CSTPP1: variants seen among roughly 807,000 people sequenced by gnomAD.
The protein encoded by CSTPP1 is centriolar satellite-associated tubulin polyglutamylase complex regulator 1.
At chr11:47,103,590 T>C in the CSTPP1 span, 149,310 of 151,598 alleles carry the variant, frequency 0.98, 73,571 homozygotes, top group Middle Eastern at 1. Context: ...GATGGAATGA[T>C]CCAAAATTGA....
chr11:47,125,383 C>T, the CSTPP1 span, among the ~76,000 whole-genome samples: 122 of 152,250 alleles, frequency 8.0e-4, no homozygotes, highest in African/African-American at 2.1e-3. Flanking sequence ...CTCCCCTGCT[C>T]GCACACCCAT....
At chr11:47,032,705 T>C in the CSTPP1 span, among the ~76,000 whole-genome samples, 2 of 152,192 alleles carry the variant, frequency 1.3e-5, no homozygotes, top group African/African-American at 4.8e-5. Context: ...AAAGAAACAT[T>C]CAGATCCCTG....
the CSTPP1 span, chr11:47,109,179 C>T: frequency 6.6e-6 from 1 of 152,138 alleles, no homozygotes; most frequent in African/African-American, 2.4e-5. Flanking sequence ...AGGCCCTGCA[C>T]TTCTGATGTT....
At chr11:47,005,587 G>A in the CSTPP1 span, among the ~76,000 whole-genome samples, 1 of 152,122 alleles carries the variant, frequency 6.6e-6, no homozygotes, top group Non-Finnish European at 1.5e-5. Context: ...AAGGAAGGTA[G>A]AGTTTGGATA....
chr11:47,141,766 C>T, the CSTPP1 span, among the ~76,000 whole-genome samples: 1,032 of 151,562 alleles, frequency 6.8e-3, 8 homozygotes, highest in Non-Finnish European at 9.8e-3. Context: ...AAACCTGTCT[C>T]TACTAAAAAT....
chr11:47,093,591 A>G, the CSTPP1 span, among the ~76,000 whole-genome samples: 1 of 152,208 alleles, frequency 6.6e-6, no homozygotes, highest in Admixed American at 6.5e-5. Flanking sequence ...GAGAGGCAAC[A>G]TAGCGTAATG....
At chr11:47,115,444 G>T in the CSTPP1 span, among the ~76,000 whole-genome samples, 9 of 152,080 alleles carry the variant, frequency 5.9e-5, no homozygotes, top group East Asian at 1.5e-3. Flanking sequence ...AATCCATCTG[G>T]TCCTGGACTT....
the CSTPP1 span, among the ~76,000 whole-genome samples, chr11:47,066,687 A>G: frequency 7.9e-5 from 12 of 152,340 alleles, no homozygotes; most frequent in East Asian, 1.9e-3. Flanking sequence ...CTAGCCCACC[A>G]TATTTGTGAT....
the CSTPP1 span, among the ~76,000 whole-genome samples, chr11:47,013,900 G>A: frequency 6.6e-6 from 1 of 152,152 alleles, no homozygotes; most frequent in African/African-American, 2.4e-5. Flanking sequence ...GCCAGCATCT[G>A]TTGTTTTTTG....
chr11:47,040,190 C>T, the CSTPP1 span, among the ~76,000 whole-genome samples: 2 of 128,496 alleles, frequency 1.6e-5, 1 homozygote, highest in Non-Finnish European at 3.7e-5. Flanking sequence ...TTGTGATAAT[C>T]CTGCCAAAGG....
At chr11:47,070,741 T>C in the CSTPP1 span, among the ~76,000 whole-genome samples, 1 of 152,218 alleles carries the variant, frequency 6.6e-6, no homozygotes, top group South Asian at 2.1e-4. Context: ...TGCAAGACAG[T>C]TGGAAATGTA....
the CSTPP1 span, among the ~76,000 whole-genome samples, chr11:47,110,121 C>G: frequency 2.9e-3 from 437 of 152,320 alleles, 2 homozygotes; most frequent in African/African-American, 0.01. Flanking sequence ...TTGCTCTCCT[C>G]ACTTCCTAAA....
chr11:46,977,205 T>C, the CSTPP1 span, among the ~76,000 whole-genome samples: 1 of 152,190 alleles, frequency 6.6e-6, no homozygotes, highest in African/African-American at 2.4e-5. Context: ...TGGCTAGACA[T>C]GTACTGCTAC....
chr11:47,073,122 T>C, the CSTPP1 span, among the ~76,000 whole-genome samples: 1 of 152,362 alleles, frequency 6.6e-6, no homozygotes, highest in African/African-American at 2.4e-5. Context: ...TATAACATTT[T>C]TATAATCATA....
chr11:47,037,981 C>A, the CSTPP1 span, among the ~76,000 whole-genome samples: 1 of 122,244 alleles, frequency 8.2e-6, no homozygotes, highest in Non-Finnish European at 2.0e-5. Context: ...AGGGCTGACC[C>A]CCCCCACCTC....
chr11:47,128,832 C>T, the CSTPP1 span, among the ~76,000 whole-genome samples: 1 of 152,160 alleles, frequency 6.6e-6, no homozygotes, highest in African/African-American at 2.4e-5. Context: ...TTGCCGAAGT[C>T]AGACCAAGTT....
At chr11:47,161,147 G>GA in the CSTPP1 span, 3 of 1,614,194 alleles carry the variant, frequency 1.9e-6, no homozygotes, top group East Asian at 2.2e-5. Context: ...TGACAAGGGG[G>GA]ATCTGATGCA....
the CSTPP1 span, among the ~76,000 whole-genome samples, chr11:47,003,299 G>A: frequency 6.6e-6 from 1 of 152,240 alleles, no homozygotes; most frequent in Non-Finnish European, 1.5e-5. Flanking sequence ...GAGTAGGAAA[G>A]AATGACACAA....
chr11:46,938,702 A>T, the CSTPP1 span, among the ~76,000 whole-genome samples: 1 of 151,028 alleles, frequency 6.6e-6, no homozygotes, highest in Non-Finnish European at 1.5e-5. Context: ...CTGTGGCATG[A>T]TAACTCATTT....
Sources: gnomAD v4.1 joint callset for allele counts (sites outside exome capture counted in the v4.1 genomes callset) on GRCh38, gnomAD v4.1.1 for gene constraint, MANE v1.5 for transcripts, NCBI Gene and HGNC (gene_info 2026-07-23, HGNC 2026-07-21) for gene names.